Variants in PRR14 observed in about 807,000 individuals in gnomAD.
The protein encoded by PRR14 is proline rich 14.
In PRR14, 33 loss-of-function variants were observed where a neutral mutation model predicts 57.2. The ratio of observed to expected loss-of-function variants is 0.58; its 90% CI spans 0.44 to 0.77. PRR14 has a LOEUF of 0.77. PRR14 is among the 30% of genes least tolerant of loss of function. PRR14 has a pLI of 0.00. For missense variants in PRR14, 716 were observed against 788.1 expected (o/e 0.91, Z 1.10); for synonymous variants, 303 against 314.7 (o/e 0.96, Z 0.39).
chr16:30,652,817 C>G lies in PRR14; in HGVS notation c.289C>G (p.Gln97Glu). The G allele has an allele frequency of 5.0e-6, 8 of 1,614,214 alleles. No individual in the cohort carries two copies. The highest frequency in any genetic ancestry group is 6.8e-6 in the Non-Finnish European group (8 of 1,180,032). Reference protein sequence around the residue: ...HRQPPASPPRQAGWSSQARPP... With the variant: ...HRQPPASPPREAGWSSQARPP... ...GCAGCCGCCTGCCTCGCCACCCCGG[C>G]AGGCCGGGTGGTCCTCGCAGGCCAG... is the stretch of plus-strand genomic sequence containing the variant. The change falls in exon 4 of 12, where the codon CAG becomes GAG. Residue 97 changes from glutamine to glutamate, a missense_variant. Gln to Glu is a conservative substitution (Grantham distance 29). Transcript: ENST00000300835.
At chr16:30,653,544 C>A in intron 6 of PRR14, 136 bp downstream of exon 6, 2 of 897,498 alleles carry the variant, frequency 2.2e-6, no homozygotes, top group Non-Finnish European at 1.8e-6. Context: ...GGGCCGGGCA[C>A]GCCCATGCCT....
In PRR14 at chr16:30,651,527, A is replaced by G; in HGVS notation, c.-50-69A>G. The G allele has an allele frequency of 1.5e-6, 1 of 679,180 alleles. No homozygotes were observed. The highest frequency in any genetic ancestry group is 2.1e-5 in the South Asian group (1 of 48,396). The allele number at this position is 679,180 out of a possible 1,614,324, so 42.1% of individuals were successfully genotyped here. ...GGCTACGGGGAGCCGCGGGCGGACC[A>G]TGAAGGGCGGAGCCCCAGGGAAGGG... On this transcript the variant is annotated intron_variant, in intron 1 of 11. Coordinates refer to ENST00000300835, the MANE Select transcript of PRR14 (RefSeq NM_024031.5). The surrounding 1 kb of genome is among the most constrained non-coding windows in gnomAD (Gnocchi z 5.0).
In PRR14 at chr16:30,651,478, C is replaced by G. The variant is rs929111777; in HGVS notation, c.-50-118C>G. On this transcript the variant is annotated intron_variant, in intron 1 of 11. Transcript: ENST00000300835. This position sits in a 1 kb window ranked among gnomAD's most constrained non-coding sequence, Gnocchi z 5.0. ...GGGCGACCGGCCGGGGGCGCCCTTT[C>G]GCGCCCCAGGGCTGCGGCCGCTGGG... The G allele has an allele frequency of 2.0e-5, 10 of 504,056 alleles. No homozygotes were observed. The African/African-American group carries it at 2.0e-4, about 10-fold the overall frequency. 31.2% of individuals were successfully genotyped at this position (504,056 alleles called of 1,614,324 possible).
Position 30,655,488 on chromosome 16 carries a change from C to T in PRR14, c.1315-14C>T. The stretch of plus-strand genomic sequence containing the variant: ...GCCCATGTCACTCTTTCACCCTCTG[C>T]CCCATTTTTGCAGACCATGGGAAAG... On this transcript the variant is annotated splice_polypyrimidine_tract_variant and intron_variant, in intron 9 of 11. Transcript: ENST00000300835. This position sits in a 1 kb window ranked among gnomAD's most constrained non-coding sequence, Gnocchi z 4.6. 6.2e-7 allele frequency: 1 copy of T among 1,613,878 alleles called. No homozygotes were observed. The highest frequency in any genetic ancestry group is 8.5e-7 in the Non-Finnish European group (1 of 1,179,716).
chr16:30,655,719 A>G lies in PRR14; in HGVS notation c.1406+126A>G. ...CTGAAAGATTCAATTCGGTGTGGGG[A>G]TGGTTTGTGCTCAAAATTGCCTGTC... On this transcript the variant is annotated intron_variant, in intron 10 of 11. Transcript: ENST00000300835. The surrounding 1 kb of genome is among the most constrained non-coding windows in gnomAD (Gnocchi z 4.6). 7.8e-7 allele frequency: 1 copy of G among 1,285,878 alleles called. No homozygotes were observed. The allele number at this position is 1,285,878 out of a possible 1,614,324, so 79.7% of individuals were successfully genotyped here. A position where few individuals can be genotyped will look rare whatever the true frequency, so the allele number is the denominator to read the frequency against.
rs1422539240 is a variant in PRR14 at position 30,652,106 on chromosome 16, G to A, written c.192+142G>A. 7.4e-6 allele frequency: 7 copies of A among 948,614 alleles called. No homozygotes were observed. In the African/African-American group the frequency reaches 8.3e-5, roughly 11 times the overall value. 58.8% of individuals were successfully genotyped at this position (948,614 alleles called of 1,614,324 possible). ...CCCTCAGGCAGCCTCCCTCATGGTA[G>A]AGTCCTGCTTGGCTCCCACTTACTC... On this transcript the variant is annotated intron_variant, in intron 3 of 11. Coordinates refer to ENST00000300835, the MANE Select transcript of PRR14 (RefSeq NM_024031.5).
Position 30,656,140 on chromosome 16 carries a change from T to G in PRR14, c.1587T>G (p.Pro529=), listed in dbSNP as rs146308918. The change falls in exon 12 of 12, where the codon CCT becomes CCG. Residue 529 remains proline, a synonymous_variant. Coordinates refer to ENST00000300835, the MANE Select transcript of PRR14 (RefSeq NM_024031.5). The stretch of plus-strand genomic sequence containing the variant: ...TGGAATTTCGGGACAGCAGCCTTCC[T>G]CGATCACGAAGACCGTCCCGTGGGG... ...RAVEFRDSSL[P]RSRRPSRGVR... The G allele has an allele frequency of 5.8e-4, 917 of 1,580,294 alleles. 4 individuals carry two copies. In the African/African-American group the frequency reaches 8.3e-3, roughly 14 times the overall value.
rs111991528 is a variant in PRR14 at position 30,655,770 on chromosome 16, G to A, written c.1407-98G>A. The A allele has an allele frequency of 1.5e-5, 21 of 1,419,600 alleles. No individual in the cohort carries two copies. The highest frequency in any genetic ancestry group is 9.9e-5 in the African/African-American group (7 of 71,064). 87.9% of individuals were successfully genotyped at this position (1,419,600 alleles called of 1,614,324 possible). ...TGCCTTATGTAGCACTCCTGGCCCT[G>A]ACATGTCCCAGAAACTGAAATACAG... On this transcript the variant is annotated intron_variant, in intron 10 of 11. Transcript: ENST00000300835. This position sits in a 1 kb window ranked among gnomAD's most constrained non-coding sequence, Gnocchi z 4.6.
rs773372439 is a variant in PRR14, at chr16:30,652,002, T to C, written c.192+38T>C. On this transcript the variant is annotated intron_variant, in intron 3 of 11. Coordinates refer to ENST00000300835, the MANE Select transcript of PRR14 (RefSeq NM_024031.5). Reference sequence around the variant, plus strand: ...AACCAAGAGACTCTCTATTCCCCCATGACTTTCCTCACTACCAAACTCGGG... The same window carrying C: ...AACCAAGAGACTCTCTATTCCCCCACGACTTTCCTCACTACCAAACTCGGG... The C allele has an allele frequency of 6.6e-6, 10 of 1,515,924 alleles. No individual in the cohort carries two copies. The African/African-American group carries it at 1.3e-4, about 19-fold the overall frequency. The allele number at this position is 1,515,924 out of a possible 1,614,324, so 93.9% of individuals were successfully genotyped here. A position where few individuals can be genotyped will look rare whatever the true frequency, so the allele number is the denominator to read the frequency against.
intron 6 of PRR14, 111 bp from the exon 7 acceptor site, chr16:30,654,119 G>T (rs1326243292): frequency 9.4e-6 from 7 of 746,566 alleles, no homozygotes; most frequent in African/African-American, 1.8e-5. Context: ...ACAGAGCAAG[G>T]CTCTGTCTCA....
In PRR14 at chr16:30,655,000, A is replaced by G. The variant is rs2052354389; in HGVS notation, c.1030A>G (p.Thr344Ala). The G allele has an allele frequency of 1.2e-6, 2 of 1,610,434 alleles. No individual in the cohort carries two copies. The highest frequency in any genetic ancestry group is 1.7e-6 in the Non-Finnish European group (2 of 1,179,898). The change falls in exon 8 of 12, where the codon ACC becomes GCC. Residue 344 changes from threonine (T) to alanine (A), a missense_variant. By Grantham distance (58) the Thr-to-Ala change is moderately conservative. Coordinates refer to ENST00000300835, the MANE Select transcript of PRR14 (RefSeq NM_024031.5). ...CPDLGPPGPG[T>A]CTWPPAPPQP... ...TGATCTGGGGCCCCCTGGCCCAGGTACCTGCACCTGGCCACCTGCTCCACC... is the reference window on the plus strand; with the variant it reads ...TGATCTGGGGCCCCCTGGCCCAGGTGCCTGCACCTGGCCACCTGCTCCACC...
In PRR14 at chr16:30,655,781, G is replaced by A. The variant is rs1596607018; in HGVS notation, c.1407-87G>A. The A allele has an allele frequency of 6.7e-7, 1 of 1,485,594 alleles. No homozygotes were observed. Among genetic ancestry groups the A allele is most frequent in the East Asian group, 2.3e-5 (1 of 44,240 alleles). The allele number at this position is 1,485,594 out of a possible 1,614,324, so 92.0% of individuals were successfully genotyped here. A position where few individuals can be genotyped will look rare whatever the true frequency, so the allele number is the denominator to read the frequency against. ...GCACTCCTGGCCCTGACATGTCCCA[G>A]AAACTGAAATACAGACCAGGCCTTA... On this transcript the variant is annotated intron_variant, in intron 10 of 11. Coordinates refer to ENST00000300835, the MANE Select transcript of PRR14 (RefSeq NM_024031.5). The surrounding 1 kb of genome is among the most constrained non-coding windows in gnomAD (Gnocchi z 4.6).
Position 30,656,216 on chromosome 16 carries a change from G to T in PRR14, c.1663G>T (p.Asp555Tyr). ...TCCTCCCAATGTGGCCCCCAGCCCTGATGTGGGCCCCCTGCTCCAGCAGCG... is the reference window on the plus strand; with the variant it reads ...TCCTCCCAATGTGGCCCCCAGCCCTTATGTGGGCCCCCTGCTCCAGCAGCG... Reference protein sequence around the residue: ...TVPPNVAPSPDVGPLLQQRLE... With the variant: ...TVPPNVAPSPYVGPLLQQRLE... Residue 555 changes from aspartate (D) to tyrosine (Y), a missense_variant, in exon 12 of 12, where the codon GAT (aspartate) becomes TAT (tyrosine). Transcript: ENST00000300835. 1 of 1,613,536 alleles carries T rather than the reference G, an allele frequency of 6.2e-7. No individual in the cohort carries two copies. The highest frequency in any genetic ancestry group is 8.5e-7 in the Non-Finnish European group (1 of 1,179,932).
At chr16:30,652,484 C>G (rs2052323384) in intron 3 of PRR14, 1 of 612,806 alleles carries the variant, frequency 1.6e-6, no homozygotes, top group African/African-American at 1.9e-5. Flanking sequence ...CTCACCCTGT[C>G]TTTTTCATTT....
In PRR14 at chr16:30,651,850, A is replaced by G. The variant is rs1039323997; in HGVS notation, c.78A>G (p.Gly26=). 2.5e-6 allele frequency: 4 copies of G among 1,606,520 alleles called. No individual in the cohort carries two copies. Among genetic ancestry groups the G allele is most frequent in the Non-Finnish European group, 3.4e-6 (4 of 1,178,644 alleles). ...CRQPLTRALW[G]ARSPKRPRLQ... is the part of the protein sequence containing the mutation. ...AGCCTCTGACTCGAGCATTATGGGG[A>G]GCCAGGAGCCCGAAACGGCCGAGGC... The change falls in exon 3 of 12, where the codon GGA becomes GGG. Residue 26 remains glycine (G), a synonymous_variant. Coordinates refer to ENST00000300835, the MANE Select transcript of PRR14 (RefSeq NM_024031.5). The surrounding 1 kb of genome is among the most constrained non-coding windows in gnomAD (Gnocchi z 5.0).
rs760125100 is a variant in PRR14 at position 30,655,119 on chromosome 16, G to A, written c.1149G>A (p.Glu383=). The A allele has an allele frequency of 6.2e-6, 10 of 1,611,700 alleles. No individual in the cohort carries two copies. Among genetic ancestry groups the A allele is most frequent in the Non-Finnish European group, 8.5e-6 (10 of 1,179,862 alleles). ...CCCCTCGGCCCTGTCTCCGGAAAGA[G>A]GTCTTCCCTCTCGGAGGAGTGGGAG... The part of the protein sequence containing the change: ...PPPPRPCLRK[E]VFPLGGVGAS... Residue 383 remains glutamate, a synonymous_variant, in exon 8 of 12, where the codon GAG becomes GAA. Coordinates refer to ENST00000300835, the MANE Select transcript of PRR14 (RefSeq NM_024031.5). This position sits in a 1 kb window ranked among gnomAD's most constrained non-coding sequence, Gnocchi z 4.6.
chr16:30,653,306 A>T (rs995150208), intron 5 of PRR14, 59 bp from the exon 6 acceptor site: 1 of 1,560,704 alleles, frequency 6.4e-7, no homozygotes, highest in South Asian at 1.1e-5. Context: ...AAGAGTCAGG[A>T]TGTGGGGCAC....
chr16:30,654,850 T>C lies in PRR14; in HGVS notation c.880T>C (p.Ser294Pro). The change falls in exon 8 of 12, where the codon TCT becomes CCT. Residue 294 changes from serine (S) to proline (P), a missense_variant. Transcript: ENST00000300835. The stretch of plus-strand genomic sequence containing the variant: ...GATCGCCATCTCAGAGGCCGAGCAG[T>C]CTGGGGCTGCTGAGGGCACTGCGTC... ...LKIAISEAEQ[S>P]GAAEGTASVS... 1 of 1,502,662 alleles carries C rather than the reference T, an allele frequency of 6.7e-7. No homozygotes were observed. Among genetic ancestry groups the C allele is most frequent in the African/African-American group, 1.5e-5 (1 of 66,276 alleles). 93.1% of individuals were successfully genotyped at this position (1,502,662 alleles called of 1,614,324 possible). A position where few individuals can be genotyped will look rare whatever the true frequency, so the allele number is the denominator to read the frequency against.
At position 30,651,469 on chromosome 16, in the gene PRR14, G is replaced by A. The variant is rs964901540; in HGVS notation, c.-50-127G>A. ...ACCCGCTCCGGGCGACCGGCCGGGG[G>A]CGCCCTTTCGCGCCCCAGGGCTGCG... On this transcript the variant is annotated intron_variant, in intron 1 of 11. Coordinates refer to ENST00000300835, the MANE Select transcript of PRR14 (RefSeq NM_024031.5). This position sits in a 1 kb window ranked among gnomAD's most constrained non-coding sequence, Gnocchi z 5.0. 2 of 494,108 alleles carry A rather than the reference G, an allele frequency of 4.0e-6. No individual in the cohort carries two copies. The highest frequency in any genetic ancestry group is 6.4e-5 in the South Asian group (2 of 31,442). 30.6% of individuals were successfully genotyped at this position (494,108 alleles called of 1,614,324 possible). A position where few individuals can be genotyped will look rare whatever the true frequency, so the allele number is the denominator to read the frequency against.
Sources: gnomAD v4.1 joint callset for allele counts on GRCh38, gnomAD v4.1.1 for gene constraint, Gnocchi (gnomAD v3.1) non-coding constraint, MANE v1.5 for transcripts, NCBI Gene and HGNC (gene_info 2026-07-23, HGNC 2026-07-21) for gene names.